SCRG1: variants seen among roughly 807,000 people sequenced by gnomAD.
The protein encoded by SCRG1 is scrapie-responsive protein 1.
A neutral mutation model predicts 7.7 loss-of-function variants in SCRG1; 3 were observed. That is an observed-to-expected ratio of 0.39 (90% CI 0.18 to 1.01). SCRG1 has a LOEUF of 1.01. Ranked by LOEUF, SCRG1 falls within the 50% of genes least tolerant of loss-of-function variation. The pLI is 0.36. For missense variants in SCRG1, 110 were observed against 117.2 expected, an observed-to-expected ratio of 0.94 and a Z score of 0.28; for synonymous variants, 46 against 41.2, an observed-to-expected ratio of 1.12 and a Z score of -0.44.
chr4:173,392,630 AG>A (rs1265556024), intron 1 of SCRG1, among the ~76,000 whole-genome samples: 2 of 152,252 alleles, frequency 1.3e-5, no homozygotes, highest in African/African-American at 4.8e-5. Context: ...TTAGATGTGA[AG>A]AAAATGGAGA....
chr4:173,495,176 T>C, the SCRG1 span, among the ~76,000 whole-genome samples: 2 of 152,256 alleles, frequency 1.3e-5, no homozygotes, highest in African/African-American at 2.4e-5. Flanking sequence ...ATTGTTTTAT[T>C]ATTATACGAT....
chr4:173,438,300 T>C, the SCRG1 span, among the ~76,000 whole-genome samples: 1 of 151,800 alleles, frequency 6.6e-6, no homozygotes, highest in Non-Finnish European at 1.5e-5. Context: ...TTTTGTATTT[T>C]TTTGTAGAGA....
At chr4:173,501,404 A>T in the SCRG1 span, among the ~76,000 whole-genome samples, 2 of 152,168 alleles carry the variant, frequency 1.3e-5, no homozygotes, top group Non-Finnish European at 2.9e-5. The surrounding 1 kb of genome is among the most constrained non-coding windows in gnomAD (Gnocchi z 5.1). Flanking sequence ...GCGGCTTGAG[A>T]TGCCCTGGGA....
chr4:173,406,868 C>A (rs1459870759), upstream of SCRG1, among the ~76,000 whole-genome samples: 3 of 152,034 alleles, frequency 2.0e-5, no homozygotes. Flanking sequence ...TTTATACTTT[C>A]ACTTGTTGGA....
the SCRG1 span, among the ~76,000 whole-genome samples, chr4:173,417,638 CT>C: frequency 7.1e-5 from 10 of 140,970 alleles, no homozygotes; most frequent in African/African-American, 2.3e-4. Context: ...TTCATTCCTT[CT>C]TTTTTTTCAG....
the SCRG1 span, among the ~76,000 whole-genome samples, chr4:173,411,873 ATTAGG>A: frequency 2.6e-5 from 4 of 152,306 alleles, no homozygotes; most frequent in East Asian, 7.7e-4. Context: ...GTCGATGGTT[ATTAGG>A]TGTGGTCCCA....
the SCRG1 span, among the ~76,000 whole-genome samples, chr4:173,460,499 G>T: frequency 1.2e-3 from 186 of 152,218 alleles, 2 homozygotes; most frequent in East Asian, 0.029. Context: ...ATATGGCACT[G>T]GTCAGACTCA....
At chr4:173,482,575 T>C in the SCRG1 span, among the ~76,000 whole-genome samples, 3 of 152,050 alleles carry the variant, frequency 2.0e-5, no homozygotes, top group African/African-American at 7.2e-5. Context: ...CCTAGAAGTT[T>C]GGGAGACTAA....
chr4:173,417,078 C>T, the SCRG1 span, among the ~76,000 whole-genome samples: 1 of 151,122 alleles, frequency 6.6e-6, no homozygotes, highest in African/African-American at 2.4e-5. Flanking sequence ...ACAACACAAA[C>T]ACAATCACAT....
the SCRG1 span, among the ~76,000 whole-genome samples, chr4:173,515,685 G>C: frequency 1.3e-5 from 2 of 152,084 alleles, no homozygotes; most frequent in Non-Finnish European, 1.5e-5. This position sits in a 1 kb window ranked among gnomAD's most constrained non-coding sequence, Gnocchi z 4.6. Flanking sequence ...ACCCACCTGT[G>C]AGGGCAGCAG....
At chr4:173,403,699 G>A (rs1318233472), upstream of SCRG1, among the ~76,000 whole-genome samples, 2 of 152,162 alleles carry the variant, frequency 1.3e-5, no homozygotes, top group African/African-American at 4.8e-5. Flanking sequence ...GGCAAGAAAA[G>A]AGGCCAAGAA....
At chr4:173,400,394 G>C (rs1160973171), upstream of SCRG1, among the ~76,000 whole-genome samples, 1 of 152,200 alleles carries the variant, frequency 6.6e-6, no homozygotes. Context: ...GTTTTGGCTG[G>C]AGGAGGAGTG....
At chr4:173,432,461 C>T in the SCRG1 span, among the ~76,000 whole-genome samples, 1 of 151,610 alleles carries the variant, frequency 6.6e-6, no homozygotes, top group Non-Finnish European at 1.5e-5. Flanking sequence ...CTGTCTCTCC[C>T]CACTCCCTCC....
the SCRG1 span, among the ~76,000 whole-genome samples, chr4:173,496,950 C>T: frequency 6.6e-6 from 1 of 151,760 alleles, no homozygotes; most frequent in Non-Finnish European, 1.5e-5. Flanking sequence ...ACTAAAAATA[C>T]AAAAAATTAG....
At chr4:173,455,605 G>A in the SCRG1 span, among the ~76,000 whole-genome samples, 1 of 152,142 alleles carries the variant, frequency 6.6e-6, no homozygotes, top group Non-Finnish European at 1.5e-5. Flanking sequence ...AGTTTGCATA[G>A]CAGCCAGTGT....
chr4:173,476,359 A>ATATATATATATATATAT, the SCRG1 span, among the ~76,000 whole-genome samples: 429 of 24,198 alleles, frequency 0.018, 3 homozygotes, highest in African/African-American at 0.038. Flanking sequence ...AGGGGGAAAA[A>ATATATATATATATATAT]AAAAATATAT....
At chr4:173,507,548 T>C in the SCRG1 span, among the ~76,000 whole-genome samples, 3 of 152,128 alleles carry the variant, frequency 2.0e-5, no homozygotes, top group Non-Finnish European at 4.4e-5. The surrounding 1 kb of genome is among the most constrained non-coding windows in gnomAD (Gnocchi z 4.4). Flanking sequence ...TTCACACTAC[T>C]ACCAAAAGCC....
chr4:173,447,866 A>G, the SCRG1 span, among the ~76,000 whole-genome samples: 1 of 152,226 alleles, frequency 6.6e-6, no homozygotes, highest in African/African-American at 2.4e-5. Context: ...GCACTTTGGG[A>G]GGCCGAGGCA....
upstream of SCRG1, among the ~76,000 whole-genome samples, chr4:173,401,571 A>G (rs1429331085): frequency 2.0e-5 from 3 of 152,172 alleles, no homozygotes; most frequent in Non-Finnish European, 4.4e-5. Flanking sequence ...TTGTGTCTGA[A>G]TTCATAGCTG....
Sources: allele counts gnomAD v4.1 joint callset (sites outside exome capture counted in the v4.1 genomes callset), GRCh38; gene constraint gnomAD v4.1.1; non-coding constraint Gnocchi (gnomAD v3.1); transcripts MANE v1.5; gene names NCBI Gene and HGNC (gene_info 2026-07-23, HGNC 2026-07-21).